Variants in AMZ1 observed in about 807,000 individuals in gnomAD.
The protein encoded by AMZ1 is archaelysin family metallopeptidase 1, also known as archaemetzincin-1.
A neutral mutation model predicts 29.9 loss-of-function variants in AMZ1; 39 were observed. That is an observed-to-expected ratio of 1.30 (90% CI 1.01 to 1.70). AMZ1 has a LOEUF of 1.70. Among genes scored for constraint, AMZ1 ranks in the 40% most tolerant of loss-of-function variants. The probability of loss-of-function intolerance (pLI) is 0.00; values close to 1 mark genes in which losing one functional copy is unlikely to be tolerated. For synonymous variants in AMZ1, 458 were observed against 304.0 expected, an observed-to-expected ratio of 1.51 and a Z score of -5.27; for missense variants, 1,041 against 680.6, an observed-to-expected ratio of 1.53 and a Z score of -5.89.
chr7:2,684,845 T>TGCCAC (rs1380664803), upstream of AMZ1, among the ~76,000 whole-genome samples: 1 of 150,670 alleles, frequency 6.6e-6, no homozygotes, highest in Non-Finnish European at 1.5e-5. Context: ...GAGGAGGAAC[T>TGCCAC]GCCACTCTGG....
At chr7:2,728,005 T>TC (rs1789695418) in intron 4 of AMZ1, 4 of 102,054 alleles carry the variant, frequency 3.9e-5, no homozygotes, top group Admixed American at 1.2e-4. Context: ...AGACTCTGTC[T>TC]CAAAAAAAAA....
chr7:2,698,763 G>T (rs1016775224), intron 1 of AMZ1, among the ~76,000 whole-genome samples: 1 of 152,172 alleles, frequency 6.6e-6, no homozygotes, highest in Non-Finnish European at 1.5e-5. Context: ...TTGAGCTCAG[G>T]AGTTGGAGGC....
chr7:2,714,161 C>A lies in AMZ1; in HGVS notation c.*1283C>A, dbSNP rs1264219250. 1 of 152,286 alleles carries A rather than the reference C, an allele frequency of 6.6e-6. No individual in the cohort carries two copies. Among genetic ancestry groups the A allele is most frequent in the Non-Finnish European group, 1.5e-5 (1 of 68,056 alleles). The allele number at this position is 152,286 out of a possible 1,614,324, so 9.4% of individuals were successfully genotyped here. On this transcript the variant is annotated 3_prime_UTR_variant, in exon 7 of 7. Coordinates refer to ENST00000683327, the MANE Select transcript of AMZ1 (RefSeq NM_001384743.1). ...ACTTCCGGTTCTGACAGCGGAATCC[C>A]TTCGGAGTGACGAGGGCGGGGTCAC...
intron 1 of AMZ1, among the ~76,000 whole-genome samples, chr7:2,697,447 AGG>A (rs1277453577): frequency 6.6e-6 from 1 of 151,786 alleles, no homozygotes; most frequent in Non-Finnish European, 1.5e-5. Context: ...TTTTTGAGAC[AGG>A]GTCTCACTCC....
chr7:2,713,188 G>C lies in AMZ1; in HGVS notation c.*310G>C, dbSNP rs942750009. ...GCCTAGGAGGTCGAGGCTGCAGTGG[G>C]ATGTGATCATACCACTGTACTGCAG... On this transcript the variant is annotated 3_prime_UTR_variant, in exon 7 of 7. Transcript: ENST00000683327. 4.0e-6 allele frequency: 1 copy of C among 247,768 alleles called. No individual in the cohort carries two copies. The highest frequency in any genetic ancestry group is 7.7e-6 in the Non-Finnish European group (1 of 130,474). 15.3% of individuals were successfully genotyped at this position (247,768 alleles called of 1,614,324 possible).
chr7:2,704,640 A>G (rs1423772825), intron 3 of AMZ1, among the ~76,000 whole-genome samples: 1 of 120,728 alleles, frequency 8.3e-6, no homozygotes, highest in Non-Finnish European at 1.6e-5. Flanking sequence ...TGTGTCACCC[A>G]GGCTGGAGTG....
At chr7:2,741,476 T>C (rs935176329) in intron 4 of AMZ1, among the ~76,000 whole-genome samples, 3 of 152,190 alleles carry the variant, frequency 2.0e-5, no homozygotes, top group African/African-American at 4.8e-5. Context: ...CATGTCACAG[T>C]TGGACTGCCT....
chr7:2,707,762 G>A (rs2115150200), intron 3 of AMZ1, among the ~76,000 whole-genome samples: 1 of 151,080 alleles, frequency 6.6e-6, no homozygotes, highest in East Asian at 1.9e-4. Flanking sequence ...AGCCAGCCCT[G>A]CAGTGCCCTC....
At chr7:2,739,915 C>T (rs559915063) in intron 4 of AMZ1, among the ~76,000 whole-genome samples, 9 of 152,224 alleles carry the variant, frequency 5.9e-5, no homozygotes, top group Middle Eastern at 3.4e-3. Context: ...TCCAGTGATC[C>T]GCCCGCCTTG....
At chr7:2,694,026 G>A (rs1472236650) in intron 1 of AMZ1, among the ~76,000 whole-genome samples, 1 of 152,182 alleles carries the variant, frequency 6.6e-6, no homozygotes, top group Non-Finnish European at 1.5e-5. Flanking sequence ...CAGCACCCAG[G>A]AAGCCCTTGG....
chr7:2,735,651 G>T (rs973169793), intron 4 of AMZ1, among the ~76,000 whole-genome samples: 1 of 152,174 alleles, frequency 6.6e-6, no homozygotes, highest in Non-Finnish European at 1.5e-5. Flanking sequence ...CTTTCTCCAC[G>T]ATGACTGAAT....
chr7:2,697,889 T>G (rs935285667), intron 1 of AMZ1, among the ~76,000 whole-genome samples: 14 of 152,290 alleles, frequency 9.2e-5, no homozygotes, highest in Non-Finnish European at 1.5e-5. Context: ...CAGTGGAAAT[T>G]CAGTACCAGC....
chr7:2,716,847 C>T lies in AMZ1; in HGVS notation c.*3969C>T, dbSNP rs1240063400. On this transcript the variant is annotated 3_prime_UTR_variant, in exon 7 of 7. Coordinates refer to ENST00000683327, the MANE Select transcript of AMZ1 (RefSeq NM_001384743.1). ...ACCTGTAAGGCAGATGGCTGCATCC[C>T]CACCATATGGCTGTGGCTGTCGAGA... Among the ~76,000 whole-genome samples, 1 of 152,242 alleles carries T rather than the reference C, an allele frequency of 6.6e-6. No homozygotes were observed. Among genetic ancestry groups the T allele is most frequent in the Non-Finnish European group, 1.5e-5 (1 of 68,048 alleles).
At chr7:2,699,292 G>C (rs182888310) in intron 1 of AMZ1, among the ~76,000 whole-genome samples, 1 of 152,122 alleles carries the variant, frequency 6.6e-6, no homozygotes, top group Admixed American at 6.6e-5. Context: ...CTGCTGCTCC[G>C]GTCAGAGCAT....
At chr7:2,746,541 C>T (rs1790772070) in intron 4 of AMZ1, among the ~76,000 whole-genome samples, 1 of 151,868 alleles carries the variant, frequency 6.6e-6, no homozygotes, top group African/African-American at 2.4e-5. Flanking sequence ...AAATTTATAG[C>T]ACTAAATGCC....
chr7:2,723,021 C>G (rs1019579007), downstream of AMZ1, among the ~76,000 whole-genome samples: 9 of 152,086 alleles, frequency 5.9e-5, no homozygotes, highest in Middle Eastern at 6.8e-3. Flanking sequence ...AAATAAAAAT[C>G]AAGAAGGTTC....
rs1479125511 is a variant in AMZ1 at position 2,700,659 on chromosome 7, C to T, written c.208C>T (p.Arg70Ter). The T allele has an allele frequency of 6.8e-6, 11 of 1,612,330 alleles. No homozygotes were observed. Among genetic ancestry groups the T allele is most frequent in the African/African-American group, 2.7e-5 (2 of 75,048 alleles). The change falls in exon 2 of 7, where the codon CGA (arginine) becomes TGA (stop). Residue 70 changes from arginine to a stop codon, truncating the protein, a stop_gained. Transcript: ENST00000683327. LOFTEE classifies it high-confidence loss of function. ...CACGGGCTTCGACTGGCTCCTGAGC[C>T]GACCCGAGGCTCCCGAGGACTTCCA... ...IRTGFDWLLSRPEAPEDFQTF... is the reference protein window; with the variant it reads ...IRTGFDWLLS
chr7:2,701,698 C>T (rs1269839815), intron 2 of AMZ1, among the ~76,000 whole-genome samples: 1 of 152,210 alleles, frequency 6.6e-6, no homozygotes, highest in East Asian at 1.9e-4. Context: ...CCGCTTCTGA[C>T]CAGCGCACCA....
chr7:2,711,953 AGGAGAATTGCTTGAACCTG>A (rs1322434439), intron 6 of AMZ1, among the ~76,000 whole-genome samples: 1 of 152,172 alleles, frequency 6.6e-6, no homozygotes, highest in African/African-American at 2.4e-5. Context: ...AGGCCAACGC[AGGAGAATTGCTTGAACCTG>A]GGAGGGGGAG....
Sources: allele counts gnomAD v4.1 joint callset (sites outside exome capture counted in the v4.1 genomes callset), GRCh38; gene constraint gnomAD v4.1.1; transcripts MANE v1.5; gene names NCBI Gene and HGNC (gene_info 2026-07-23, HGNC 2026-07-21).